Variants in KIAA1217 observed in about 807,000 individuals in gnomAD.
KIAA1217 encodes the protein KIAA1217, also known as sickle tail protein homolog.
A neutral mutation model predicts 163.9 loss-of-function variants in KIAA1217; 88 were observed. The observed-to-expected ratio is 0.54, with a 90% CI of 0.45 to 0.64. KIAA1217 has a LOEUF of 0.64. Ranked by LOEUF, KIAA1217 falls within the 30% of genes least tolerant of loss-of-function variation. KIAA1217 has a pLI of 0.00. For missense variants in KIAA1217, 2,372 were observed against 2,475.0 expected (o/e 0.96, Z 0.88); for synonymous variants, 903 against 923.1 (o/e 0.98, Z 0.39).
At chr10:24,329,531 G>T (rs2045386777) in intron 2 of KIAA1217, among the ~76,000 whole-genome samples, 1 of 152,056 alleles carries the variant, frequency 6.6e-6, no homozygotes, top group Admixed American at 6.6e-5. Flanking sequence ...ACCTAAAGGG[G>T]CAATGTACGC....
chr10:24,314,335 C>A (rs576524793), intron 2 of KIAA1217, among the ~76,000 whole-genome samples: 2 of 152,210 alleles, frequency 1.3e-5, no homozygotes, highest in African/African-American at 2.4e-5. Context: ...TGACAACATG[C>A]GGGAGACTTA....
intron 2 of KIAA1217, among the ~76,000 whole-genome samples, chr10:24,074,933 A>G (rs2061320195): frequency 6.6e-6 from 1 of 152,008 alleles, no homozygotes; most frequent in South Asian, 2.1e-4. Flanking sequence ...TCCTGAGCTC[A>G]GGCAATCCGC....
chr10:23,828,218 A>G (rs1409037961), intron 1 of KIAA1217, among the ~76,000 whole-genome samples: 2 of 152,120 alleles, frequency 1.3e-5, no homozygotes, highest in African/African-American at 4.8e-5. Context: ...AGCCTTCTTG[A>G]TTCCTGGTGT....
At chr10:24,149,098 A>G (rs145705967) in intron 2 of KIAA1217, among the ~76,000 whole-genome samples, 5 of 152,350 alleles carry the variant, frequency 3.3e-5, no homozygotes, top group African/African-American at 1.2e-4. Flanking sequence ...TTACAGAAAT[A>G]TATGAATTAT....
At chr10:24,484,489 C>T (rs748875225) in intron 6 of KIAA1217, among the ~76,000 whole-genome samples, 1 of 151,734 alleles carries the variant, frequency 6.6e-6, no homozygotes, top group South Asian at 2.1e-4. Flanking sequence ...TCAAGGGATC[C>T]GCCCACCTCG....
At chr10:24,031,325 G>A (rs1427214187) in intron 2 of KIAA1217, among the ~76,000 whole-genome samples, 3 of 151,910 alleles carry the variant, frequency 2.0e-5, no homozygotes, top group South Asian at 2.1e-4. Context: ...ATTTAGAGTC[G>A]GGTCTTGCTC....
chr10:24,351,958 G>A (rs2048510459), intron 2 of KIAA1217, among the ~76,000 whole-genome samples: 1 of 152,188 alleles, frequency 6.6e-6, no homozygotes, highest in African/African-American at 2.4e-5. Context: ...TGGTTGATGG[G>A]CAGGACAGGA....
At chr10:23,980,540 C>T (rs541148642) in intron 1 of KIAA1217, among the ~76,000 whole-genome samples, 8 of 152,080 alleles carry the variant, frequency 5.3e-5, no homozygotes, top group East Asian at 3.9e-4. Flanking sequence ...GAGTGTCCCT[C>T]GGGTTTTGTG....
At chr10:24,165,845 T>C in intron 2 of KIAA1217, among the ~76,000 whole-genome samples, 1 of 152,216 alleles carries the variant, frequency 6.6e-6, no homozygotes, top group East Asian at 1.9e-4. Flanking sequence ...AGCAGTTTGC[T>C]GAACCTTTAG....
At chr10:24,182,996 C>T (rs927234293) in intron 2 of KIAA1217, among the ~76,000 whole-genome samples, 3 of 152,142 alleles carry the variant, frequency 2.0e-5, no homozygotes, top group African/African-American at 7.2e-5. Context: ...AGATGCAGAT[C>T]CCTTGTGAAA....
At chr10:24,090,293 A>C in intron 2 of KIAA1217, among the ~76,000 whole-genome samples, 1 of 140,284 alleles carries the variant, frequency 7.1e-6, no homozygotes, top group Non-Finnish European at 1.5e-5. Context: ...TAGCCTCCTA[A>C]GTAGCTTGAA....
intron 6 of KIAA1217, among the ~76,000 whole-genome samples, chr10:24,476,024 G>T (rs1592238534): frequency 6.6e-6 from 1 of 152,304 alleles, no homozygotes; most frequent in East Asian, 1.9e-4. Context: ...AGATAAAAGA[G>T]CATCAGGAGC....
chr10:23,956,956 A>C (rs1844591698), intron 1 of KIAA1217, among the ~76,000 whole-genome samples: 1 of 151,928 alleles, frequency 6.6e-6, no homozygotes, highest in African/African-American at 2.4e-5. Flanking sequence ...TTTGGAGGGG[A>C]CACCCATCCA....
intron 2 of KIAA1217, among the ~76,000 whole-genome samples, chr10:24,094,954 C>A (rs963792310): frequency 4.6e-5 from 7 of 152,230 alleles, no homozygotes; most frequent in African/African-American, 7.2e-5. Flanking sequence ...GCCCCTCCCC[C>A]AGCCTGGCTG....
intron 1 of KIAA1217, among the ~76,000 whole-genome samples, chr10:23,865,037 T>C (rs1403195354): frequency 1.3e-5 from 2 of 152,212 alleles, no homozygotes; most frequent in East Asian, 3.9e-4. Context: ...ACAGCAACAT[T>C]GAGACTGGTG....
chr10:24,461,893 G>T (rs374597156), intron 5 of KIAA1217, among the ~76,000 whole-genome samples: 2 of 152,074 alleles, frequency 1.3e-5, no homozygotes, highest in Non-Finnish European at 2.9e-5. Flanking sequence ...TGCCTCTGTG[G>T]GTGGTGCATG....
chr10:23,822,024 A>G lies in KIAA1217; in HGVS notation c.-321+126790A>G, dbSNP rs548083397. Among the ~76,000 whole-genome samples, 8 of 152,224 alleles carry G rather than the reference A, an allele frequency of 5.3e-5. No individual in the cohort carries two copies. In the South Asian group the frequency reaches 1.5e-3, roughly 28 times the overall value. On this transcript the variant is annotated intron_variant, in intron 1 of 18. Coordinates refer to the KIAA1217 transcript ENST00000376462. ...ACAGCTACTCAGACCATCCCATCAG[A>G]TCTCCTAGACAATAAGTAAGAGCGG...
chr10:23,829,842 G>A (rs1838091333), intron 1 of KIAA1217, among the ~76,000 whole-genome samples: 1 of 152,174 alleles, frequency 6.6e-6, no homozygotes, highest in Non-Finnish European at 1.5e-5. Context: ...GTGAAGATAT[G>A]AATGCACATG....
chr10:24,484,241 A>ATTTTTTTTTT (rs59233394), intron 6 of KIAA1217, among the ~76,000 whole-genome samples: 4 of 75,158 alleles, frequency 5.3e-5, no homozygotes, highest in East Asian at 4.6e-4. Context: ...ATATATATAT[A>ATTTTTTTTTT]TTTTTTTTTT....
Sources: gnomAD v4.1 joint callset for allele counts (sites outside exome capture counted in the v4.1 genomes callset) on GRCh38, gnomAD v4.1.1 for gene constraint, MANE v1.5 for transcripts, NCBI Gene and HGNC (gene_info 2026-07-23, HGNC 2026-07-21) for gene names.